CHST5: variants seen among roughly 807,000 people sequenced by gnomAD.
CHST5 encodes carbohydrate sulfotransferase 5, also known as GST4-alpha.
For missense variants in CHST5, 637 were observed against 602.1 expected (o/e 1.06, Z -0.61); for synonymous variants, 313 against 279.2 (o/e 1.12, Z -1.21).
In CHST5 at chr16:75,533,258, G is replaced by A. The variant is rs1007222368; in HGVS notation, c.-1351-75C>T. 76 of 702,030 alleles carry A rather than the reference G, an allele frequency of 1.1e-4. 1 individual carries two copies. The highest frequency in any genetic ancestry group is 2.1e-5 in the Non-Finnish European group (8 of 384,728). 43.5% of individuals were successfully genotyped at this position (702,030 alleles called of 1,614,324 possible). On this transcript the variant is annotated intron_variant, in intron 2 of 3. Coordinates refer to ENST00000336257, the MANE Select transcript of CHST5 (RefSeq NM_024533.5). ...AAAGTTAGGGAGAACCAGTCAGCCAGGCCCTGTGATATGCACTTTCATCTT... is the reference window on the plus strand; with the variant it reads ...AAAGTTAGGGAGAACCAGTCAGCCAAGCCCTGTGATATGCACTTTCATCTT...
chr16:75,530,336 GC>G lies in CHST5; in HGVS notation c.48del (p.Arg16SerfsTer17). 1 of 1,590,596 alleles carries G rather than the reference GC, an allele frequency of 6.3e-7. No individual in the cohort carries two copies. Among genetic ancestry groups the G allele is most frequent in the Non-Finnish European group, 8.6e-7 (1 of 1,169,096 alleles). On this transcript the variant is annotated frameshift_variant, in exon 4 of 4. Coordinates refer to ENST00000336257, the MANE Select transcript of CHST5 (RefSeq NM_024533.5). LOFTEE classifies it low-confidence loss of function (END_TRUNC). ...RVPKVAHSTRRPPAARMWLPR... is the reference protein window; with the variant it reads ...RVPKVAHSTRXPPAARMWLPR... ...GGCAGCCACATGCGGGCGGCTGGGG[GC>G]CTTCGGGTGGAGTGGGCAACTTTAG... is the stretch of plus-strand genomic sequence containing the variant.
Position 75,531,606 on chromosome 16 carries a change from C to A in CHST5, c.-1222G>T. On this transcript the variant is annotated 5_prime_UTR_variant, in exon 4 of 4. Coordinates refer to ENST00000336257, the MANE Select transcript of CHST5 (RefSeq NM_024533.5). Reference sequence around the variant, plus strand: ...TCCAGGGCTGCTGGGAGAGCTGCAACGCTGATCACAAATCCATGGGAGATG... The same window carrying A: ...TCCAGGGCTGCTGGGAGAGCTGCAAAGCTGATCACAAATCCATGGGAGATG... The A allele has an allele frequency of 7.7e-7, 1 of 1,303,914 alleles. No individual in the cohort carries two copies. The highest frequency in any genetic ancestry group is 1.0e-6 in the Non-Finnish European group (1 of 988,736). 80.8% of individuals were successfully genotyped at this position (1,303,914 alleles called of 1,614,324 possible).
intron 2 of CHST5, among the ~76,000 whole-genome samples, chr16:75,534,855 C>T (rs1190922822): frequency 6.6e-6 from 1 of 152,120 alleles, no homozygotes; most frequent in African/African-American, 2.4e-5. Context: ...CCTTTGAGAC[C>T]CAAGTATGGA....
At chr16:75,532,273 G>A (rs2080529511) in intron 3 of CHST5, among the ~76,000 whole-genome samples, 1 of 152,162 alleles carries the variant, frequency 6.6e-6, no homozygotes. Context: ...TGAGCCTTTA[G>A]TGGACCTTAA....
chr16:75,535,215 C>T lies in CHST5; in HGVS notation c.-1440G>A, dbSNP rs190321917. Reference sequence around the variant, plus strand: ...CTCAGCAAAAGCTCCCAGACGTCGTCTCTTCCAAGTTCCACCGCACAGCCA... The same window carrying T: ...CTCAGCAAAAGCTCCCAGACGTCGTTTCTTCCAAGTTCCACCGCACAGCCA... On this transcript the variant is annotated 5_prime_UTR_variant, in exon 2 of 4. Coordinates refer to ENST00000336257, the MANE Select transcript of CHST5 (RefSeq NM_024533.5). 3.9e-5 allele frequency: 6 copies of T among 152,572 alleles called. No individual in the cohort carries two copies. Among genetic ancestry groups the T allele is most frequent in the Admixed American group, 2.0e-4 (3 of 15,310 alleles). The allele number at this position is 152,572 out of a possible 1,614,324, so 9.5% of individuals were successfully genotyped here.
Position 75,529,527 on chromosome 16 carries a change from C to A in CHST5, c.858G>T (p.Leu286=), listed in dbSNP as rs758050851. The A allele has an allele frequency of 1.2e-5, 19 of 1,610,234 alleles. No individual in the cohort carries two copies. In the South Asian group the frequency reaches 2.1e-4, roughly 18 times the overall value. ...AGCGCACCAGGCGGTAGCGGCCGCG[C>A]AGGAAGGGTGGCGGCTTGAGTGTGG... ...EAATLKPPPF[L]RGRYRLVRFE... is the part of the protein sequence containing the mutation. Residue 286 remains leucine (L), a synonymous_variant, in exon 4 of 4, where the codon CTG becomes CTT. Coordinates refer to ENST00000336257, the MANE Select transcript of CHST5 (RefSeq NM_024533.5).
rs1346807854 is a variant in CHST5, at chr16:75,531,578, C to A, written c.-1194G>T. 3 of 1,303,686 alleles carry A rather than the reference C, an allele frequency of 2.3e-6. No homozygotes were observed. In the East Asian group the frequency reaches 1.7e-4, roughly 72 times the overall value. The allele number at this position is 1,303,686 out of a possible 1,614,324, so 80.8% of individuals were successfully genotyped here. On this transcript the variant is annotated 5_prime_UTR_variant, in exon 4 of 4. Transcript: ENST00000336257. Reference sequence around the variant, plus strand: ...CCTGGCCAGCTGAGGGGACTCACCACCGTCCAGGGCTGCTGGGAGAGCTGC... The same window carrying A: ...CCTGGCCAGCTGAGGGGACTCACCAACGTCCAGGGCTGCTGGGAGAGCTGC...
In CHST5 at chr16:75,531,315, C is replaced by T. The variant is rs375259777; in HGVS notation, c.-931G>A. 16 of 878,422 alleles carry T rather than the reference C, an allele frequency of 1.8e-5. No homozygotes were observed. Among genetic ancestry groups the T allele is most frequent in the African/African-American group, 1.1e-4 (5 of 46,214 alleles). 54.4% of individuals were successfully genotyped at this position (878,422 alleles called of 1,614,324 possible). A position where few individuals can be genotyped will look rare whatever the true frequency, so the allele number is the denominator to read the frequency against. On this transcript the variant is annotated 5_prime_UTR_variant, in exon 4 of 4. Coordinates refer to ENST00000336257, the MANE Select transcript of CHST5 (RefSeq NM_024533.5). ...GCAGCCTGAGTGAAGAGTGAGACTC[C>T]GTTTCAAAAAAAAAAAAAAAAACAA...
chr16:75,529,587 C>T lies in CHST5; in HGVS notation c.798G>A (p.Glu266=), dbSNP rs543415787. The T allele has an allele frequency of 2.2e-5, 35 of 1,610,078 alleles. No individual in the cohort carries two copies. In the African/African-American group the frequency reaches 4.0e-4, roughly 18 times the overall value. Reference sequence around the variant, plus strand: ...CGATGCGCACGTGGCTGCGGCACACCTCGCGAATCAGGCGCAGGTGAGGGT... The same window carrying T: ...CGATGCGCACGTGGCTGCGGCACACTTCGCGAATCAGGCGCAGGTGAGGGT... The part of the protein sequence containing the change: ...EADPHLRLIR[E]VCRSHVRIAE... Residue 266 remains glutamate, a synonymous_variant, in exon 4 of 4, where the codon GAG becomes GAA. Coordinates refer to ENST00000336257, the MANE Select transcript of CHST5 (RefSeq NM_024533.5).
Position 75,535,263 on chromosome 16 carries a change from T to G in CHST5, c.-1488A>C, listed in dbSNP as rs988971002. 2.0e-5 allele frequency: 3 copies of G among 152,318 alleles called. No homozygotes were observed. The highest frequency in any genetic ancestry group is 2.4e-5 in the African/African-American group (1 of 41,426). 9.4% of individuals were successfully genotyped at this position (152,318 alleles called of 1,614,324 possible). A position where few individuals can be genotyped will look rare whatever the true frequency, so the allele number is the denominator to read the frequency against. On this transcript the variant is annotated 5_prime_UTR_variant, in exon 2 of 4. Transcript: ENST00000336257. ...CCAGCTCTTTCTCTTCACTGGGAGG[T>G]TCCGCAGGGGCTGACTTGCTCCTTA...
rs781527035 is a variant in CHST5, at chr16:75,529,318, C to G, written c.1067G>C (p.Arg356Pro). The change falls in exon 4 of 4, where the codon CGC (arginine) becomes CCC (proline). Residue 356 changes from arginine to proline, a missense_variant. Arg to Pro is a moderately radical substitution (Grantham distance 103). Transcript: ENST00000336257. ...RNARNVSQAWRHALPFTKILR... is the reference protein window; with the variant it reads ...RNARNVSQAWPHALPFTKILR... Reference sequence around the variant, plus strand: ...GATCTTAGTGAAGGGCAACGCGTGGCGCCAGGCCTGGGAGACGTTGCGCGC... The same window carrying G: ...GATCTTAGTGAAGGGCAACGCGTGGGGCCAGGCCTGGGAGACGTTGCGCGC... The G allele has an allele frequency of 1.2e-6, 2 of 1,613,044 alleles. No individual in the cohort carries two copies. Among genetic ancestry groups the G allele is most frequent in the Admixed American group, 3.3e-5 (2 of 60,002 alleles).
At position 75,530,118 on chromosome 16, in the gene CHST5, GAAGACGTC is replaced by G. The variant is rs1216334182; in HGVS notation, c.259_266del (p.Asp87LeufsTer41). On this transcript the variant is annotated frameshift_variant, in exon 4 of 4. Transcript: ENST00000336257. LOFTEE classifies it low-confidence loss of function (END_TRUNC). The stretch of plus-strand genomic sequence containing the variant: ...CATGCCACGCGGGCTCCATCAGGTA[GAAGACGTC>G]GGGGTGCTGGCTGAAGAGCTGGCCC... 13 of 1,613,384 alleles carry G rather than the reference GAAGACGTC, an allele frequency of 8.1e-6. No individual in the cohort carries two copies. The Admixed American group carries it at 2.2e-4, about 27-fold the overall frequency.
In CHST5 at chr16:75,532,476, T is replaced by G. The variant is rs574491640; in HGVS notation, c.-1257+613A>C. Among the ~76,000 whole-genome samples the G allele has an allele frequency of 2.0e-5, 3 of 152,306 alleles. No individual in the cohort carries two copies. In the East Asian group the frequency reaches 5.8e-4, roughly 29 times the overall value. ...TTGCTCCTTGCCTGCCCCCTTCCCC[T>G]GTCCACACTGCCCACTGAGAGAAGC... is the stretch of plus-strand genomic sequence containing the variant. On this transcript the variant is annotated intron_variant, in intron 3 of 3. Transcript: ENST00000336257.
Position 75,529,810 on chromosome 16 carries a change from T to G in CHST5, c.575A>C (p.His192Pro). The stretch of plus-strand genomic sequence containing the variant: ...GAAGCGCACCTCCTTGAGCACCACG[T>G]GGCTGTAGGAGCGGCAGGCCTCCCG... ...LAREACRSYS[H>P]VVLKEVRFFN... Residue 192 changes from histidine (H) to proline (P), a missense_variant, in exon 4 of 4, where the codon CAC becomes CCC. His to Pro is a moderately conservative substitution (Grantham distance 77). Transcript: ENST00000336257. 4 of 1,613,822 alleles carry G rather than the reference T, an allele frequency of 2.5e-6. No individual in the cohort carries two copies. Among genetic ancestry groups the G allele is most frequent in the African/African-American group, 1.3e-5 (1 of 75,050 alleles).
rs557027402 is a variant in CHST5 at position 75,530,886 on chromosome 16, C to T, written c.-502G>A. On this transcript the variant is annotated 5_prime_UTR_variant, in exon 4 of 4. Coordinates refer to ENST00000336257, the MANE Select transcript of CHST5 (RefSeq NM_024533.5). The stretch of plus-strand genomic sequence containing the variant: ...GTGTGAAAGAGGGATAATTCCGGTA[C>T]CTGGCTCACAGGATCTGGGGGGATT... The T allele has an allele frequency of 2.6e-3, 2,576 of 1,001,868 alleles. 5 individuals carry two copies. The highest frequency in any genetic ancestry group is 3.0e-3 in the Non-Finnish European group (2,456 of 830,942). 62.1% of individuals were successfully genotyped at this position (1,001,868 alleles called of 1,614,324 possible). A position where few individuals can be genotyped will look rare whatever the true frequency, so the allele number is the denominator to read the frequency against.
chr16:75,529,003 T>A lies in CHST5; in HGVS notation c.*146A>T. 5.0e-6 allele frequency: 4 copies of A among 803,238 alleles called. No individual in the cohort carries two copies. Among genetic ancestry groups the A allele is most frequent in the Non-Finnish European group, 7.6e-6 (4 of 526,586 alleles). The allele number at this position is 803,238 out of a possible 1,614,324, so 49.8% of individuals were successfully genotyped here. On this transcript the variant is annotated 3_prime_UTR_variant, in exon 4 of 4. Transcript: ENST00000336257. ...AATCAGGAGAGAAAGAAACGTGCAG[T>A]CCTTGCCTACTTCAGGGGAGGACCC...
chr16:75,530,303 A>T lies in CHST5; in HGVS notation c.82T>A (p.Ser28Thr), dbSNP rs1244914214. ...AGGAGCACTGTCACTGTCTTGCTGG[A>T]GAACCGTGGCAGCCACATGCGGGCG... Reference protein sequence around the residue: ...PAARMWLPRFSSKTVTVLLLA... With the variant: ...PAARMWLPRFTSKTVTVLLLA... Residue 28 changes from serine (S) to threonine (T), a missense_variant, in exon 4 of 4, where the codon TCC (serine) becomes ACC (threonine). By Grantham distance (58) the Ser-to-Thr change is moderately conservative. Coordinates refer to ENST00000336257, the MANE Select transcript of CHST5 (RefSeq NM_024533.5). The T allele has an allele frequency of 1.2e-6, 2 of 1,610,472 alleles. No homozygotes were observed. The highest frequency in any genetic ancestry group is 2.2e-5 in the South Asian group (2 of 90,578).
Position 75,529,681 on chromosome 16 carries a change from G to T in CHST5, c.704C>A (p.Ala235Glu). Residue 235 changes from alanine to glutamate, a missense_variant, in exon 4 of 4, where the codon GCG (alanine) becomes GAG (glutamate). Physicochemically the swap from Ala to Glu is moderately radical, Grantham distance 107 (BLOSUM62 -1). Coordinates refer to ENST00000336257, the MANE Select transcript of CHST5 (RefSeq NM_024533.5). Reference sequence around the variant, plus strand: ...GTCGCGTGCCAGTATCGGGCCCGCCGCCTCCCGGGAGCGCAGCACGGCCCG... The same window carrying T: ...GTCGCGTGCCAGTATCGGGCCCGCCTCCTCCCGGGAGCGCAGCACGGCCCG... ...DPRAVLRSRE[A>E]AGPILARDNG... 3.1e-6 allele frequency: 5 copies of T among 1,610,114 alleles called. No homozygotes were observed. The highest frequency in any genetic ancestry group is 4.2e-6 in the Non-Finnish European group (5 of 1,178,306).
Position 75,531,191 on chromosome 16 carries a change from G to A in CHST5, c.-807C>T. The A allele has an allele frequency of 1.9e-6, 1 of 531,554 alleles. No individual in the cohort carries two copies. The highest frequency in any genetic ancestry group is 2.1e-5 in the African/African-American group (1 of 47,788). The allele number at this position is 531,554 out of a possible 1,614,324, so 32.9% of individuals were successfully genotyped here. On this transcript the variant is annotated 5_prime_UTR_variant, in exon 4 of 4. Coordinates refer to ENST00000336257, the MANE Select transcript of CHST5 (RefSeq NM_024533.5). The stretch of plus-strand genomic sequence containing the variant: ...CAAAAAATTAGCCAGGCGTGATGGT[G>A]GGCGCCTGTAGTCCCAGCTACTCGG...
Sources: gnomAD v4.1 joint callset for allele counts (sites outside exome capture counted in the v4.1 genomes callset) on GRCh38, gnomAD v4.1.1 for gene constraint, MANE v1.5 for transcripts, NCBI Gene and HGNC (gene_info 2026-07-23, HGNC 2026-07-21) for gene names.